HEG1: variants seen among roughly 807,000 people sequenced by gnomAD.
HEG1 encodes heart development protein with EGF like domains 1.
In HEG1, 56 loss-of-function variants were observed where a neutral mutation model predicts 125.6. The ratio of observed to expected loss-of-function variants is 0.45; its 90% CI spans 0.36 to 0.56. The LOEUF is 0.56. HEG1 is among the 20% of genes least tolerant of loss of function. The pLI, the probability that HEG1 is intolerant of heterozygous loss-of-function variation, is 0.00. For synonymous variants in HEG1, 644 were observed against 668.5 expected, an observed-to-expected ratio of 0.96 and a Z score of 0.57; for missense variants, 1,523 against 1,670.0, an observed-to-expected ratio of 0.91 and a Z score of 1.53.
chr3:125,020,767 G>C (rs2107704008), intron 4 of HEG1, 25 bp downstream of exon 4: 1 of 1,572,270 alleles, frequency 6.4e-7, no homozygotes, highest in Non-Finnish European at 8.7e-7. Flanking sequence ...GTCCCTAATA[G>C]ATCAAGTAAA....
At chr3:125,019,873 T>C (rs1255503368) in intron 4 of HEG1, among the ~76,000 whole-genome samples, 1 of 152,224 alleles carries the variant, frequency 6.6e-6, no homozygotes, top group Non-Finnish European at 1.5e-5. Flanking sequence ...GAGTGTTTCA[T>C]TCTCTTTCCC....
intron 10 of HEG1, 38 bp downstream of exon 10, chr3:125,002,219 C>A (rs373620259): frequency 1.8e-5 from 29 of 1,586,004 alleles, no homozygotes; most frequent in Non-Finnish European, 2.4e-5. Flanking sequence ...CCCCTTTGTA[C>A]AGACTAGTTC....
At chr3:125,030,962 T>C (rs1180553411) in intron 1 of HEG1, among the ~76,000 whole-genome samples, 1 of 152,138 alleles carries the variant, frequency 6.6e-6, no homozygotes, top group Non-Finnish European at 1.5e-5. Context: ...ACCCCGTATA[T>C]TAGGAATATA....
At chr3:124,974,418 G>A (rs1163193515) in intron 15 of HEG1, among the ~76,000 whole-genome samples, 4 of 152,156 alleles carry the variant, frequency 2.6e-5, no homozygotes, top group African/African-American at 9.7e-5. Flanking sequence ...AAAGAGACCT[G>A]ACTTGTCCTC....
chr3:125,008,741 G>A (rs1390669682), intron 8 of HEG1, among the ~76,000 whole-genome samples: 1 of 152,198 alleles, frequency 6.6e-6, no homozygotes, highest in Non-Finnish European at 1.5e-5. Context: ...AGGTCGCAGA[G>A]AGCTGAGATG....
chr3:125,006,926 G>C (rs1043525247), intron 8 of HEG1, among the ~76,000 whole-genome samples: 36 of 152,268 alleles, frequency 2.4e-4, no homozygotes, highest in Admixed American at 2.4e-3. Flanking sequence ...CAGGCCGGGC[G>C]CGGTGGCTCA....
chr3:125,033,802 C>T (rs1228817250), intron 1 of HEG1, among the ~76,000 whole-genome samples: 5 of 152,236 alleles, frequency 3.3e-5, no homozygotes, highest in Non-Finnish European at 5.9e-5. Context: ...ACCGCCTCAG[C>T]TCCGCCTCCT....
chr3:125,036,515 T>C (rs1255795640), intron 1 of HEG1, among the ~76,000 whole-genome samples: 1 of 152,166 alleles, frequency 6.6e-6, no homozygotes, highest in Non-Finnish European at 1.5e-5. Context: ...ATAAGTCTGA[T>C]AAAAATAAAA....
intron 11 of HEG1, among the ~76,000 whole-genome samples, chr3:124,998,124 T>C (rs1936950186): frequency 6.6e-6 from 1 of 152,068 alleles, no homozygotes; most frequent in Non-Finnish European, 1.5e-5. Context: ...CCCTGTTCAC[T>C]CCTCTGGTGC....
At chr3:125,012,075 C>T (rs1937164274) in intron 6 of HEG1, among the ~76,000 whole-genome samples, 2 of 152,196 alleles carry the variant, frequency 1.3e-5, no homozygotes, top group African/African-American at 4.8e-5. Context: ...TAGCCACACA[C>T]TCTTTCGGAG....
chr3:125,049,253 G>A (rs1033008010), intron 1 of HEG1, among the ~76,000 whole-genome samples: 3 of 152,168 alleles, frequency 2.0e-5, no homozygotes, highest in African/African-American at 7.2e-5. Flanking sequence ...GCAGAAATAT[G>A]TTAACTTACA....
At chr3:124,984,679 A>G (rs1463302187) in intron 14 of HEG1, among the ~76,000 whole-genome samples, 1 of 152,162 alleles carries the variant, frequency 6.6e-6, no homozygotes, top group African/African-American at 2.4e-5. Context: ...GAATCCCTTG[A>G]ACCCGGGAGG....
intron 9 of HEG1, among the ~76,000 whole-genome samples, chr3:125,004,329 C>T (rs1937040324): frequency 6.6e-6 from 1 of 152,138 alleles, no homozygotes; most frequent in African/African-American, 2.4e-5. Flanking sequence ...TTTTTAATGG[C>T]AAATTTCAAT....
intron 14 of HEG1, among the ~76,000 whole-genome samples, chr3:124,986,008 C>T (rs962161687): frequency 1.3e-5 from 2 of 152,166 alleles, no homozygotes; most frequent in African/African-American, 4.8e-5. Context: ...GAACTCCTGA[C>T]CTCAAGTGAC....
At chr3:125,046,748 G>T (rs1435080872) in intron 1 of HEG1, among the ~76,000 whole-genome samples, 1 of 152,198 alleles carries the variant, frequency 6.6e-6, no homozygotes, top group African/African-American at 2.4e-5. Context: ...CAATCCAGGA[G>T]GTTTGCTGCA....
At chr3:125,053,146 C>CATCT (rs1252955290) in intron 1 of HEG1, among the ~76,000 whole-genome samples, 2 of 152,196 alleles carry the variant, frequency 1.3e-5, no homozygotes, top group African/African-American at 4.8e-5. Context: ...CCGGGATGAC[C>CATCT]ATCTGTCAGG....
intron 9 of HEG1, 38 bp downstream of exon 9, chr3:125,005,227 C>T (rs1002495971): frequency 7.9e-7 from 1 of 1,260,728 alleles, no homozygotes; most frequent in African/African-American, 1.5e-5. Context: ...TTCTAGGAAA[C>T]AAAAGACGAG....
intron 2 of HEG1, among the ~76,000 whole-genome samples, 180 bp from the exon 3 acceptor site, chr3:125,027,687 T>C (rs1197169769): frequency 6.6e-6 from 1 of 152,178 alleles, no homozygotes; most frequent in African/African-American, 2.4e-5. Flanking sequence ...GTCTGTGTAT[T>C]AGATCTCACA....
intron 9 of HEG1, among the ~76,000 whole-genome samples, chr3:125,004,743 CG>C (rs1280710427): frequency 6.6e-6 from 1 of 151,910 alleles, no homozygotes; most frequent in African/African-American, 2.4e-5. Context: ...TGATAAAAAG[CG>C]GGCAAAGAGG....
Sources: gnomAD v4.1 joint callset for allele counts (sites outside exome capture counted in the v4.1 genomes callset) on GRCh38, gnomAD v4.1.1 for gene constraint, MANE v1.5 for transcripts, NCBI Gene and HGNC (gene_info 2026-07-23, HGNC 2026-07-21) for gene names.